TENM4: variants seen among roughly 807,000 people sequenced by gnomAD.
TENM4 encodes teneurin transmembrane protein 4.
A neutral mutation model predicts 243.3 loss-of-function variants in TENM4; 82 were observed. The observed-to-expected ratio is 0.34, with a 90% CI of 0.28 to 0.40. The LOEUF (loss-of-function observed/expected upper bound fraction) is 0.40. Ranked by LOEUF, TENM4 falls within the 10% of genes least tolerant of loss-of-function variation. TENM4 has a pLI of 1.00. For synonymous variants in TENM4, 1,412 were observed against 1,456.3 expected, an observed-to-expected ratio of 0.97 and a Z score of 0.69; for missense variants, 3,138 against 3,673.3, an observed-to-expected ratio of 0.85 and a Z score of 3.77.
chr11:78,663,940 G>T (rs142783810), intron 32 of TENM4, among the ~76,000 whole-genome samples: 1 of 152,268 alleles, frequency 6.6e-6, no homozygotes, highest in East Asian at 1.9e-4. Context: ...CAACTTGGTG[G>T]TGCTGAGGTG....
At chr11:79,351,062 G>A (rs1857407633) in intron 1 of TENM4, among the ~76,000 whole-genome samples, 2 of 152,026 alleles carry the variant, frequency 1.3e-5, no homozygotes, top group Admixed American at 6.5e-5. Context: ...CCAGTCATGG[G>A]CCTACCTCAA....
At chr11:78,959,880 C>T (rs953945010) in intron 6 of TENM4, among the ~76,000 whole-genome samples, 3 of 152,140 alleles carry the variant, frequency 2.0e-5, no homozygotes, top group African/African-American at 7.2e-5. Context: ...CTCTTGCCTT[C>T]TCTTCTACGT....
intron 1 of TENM4, among the ~76,000 whole-genome samples, chr11:79,341,197 A>G (rs1857235986): frequency 6.6e-6 from 1 of 152,234 alleles, no homozygotes; most frequent in South Asian, 2.1e-4. Flanking sequence ...TTCCGATCTC[A>G]GGAACTATAA....
intron 9 of TENM4, among the ~76,000 whole-genome samples, chr11:78,864,365 C>T (rs1257077871): frequency 5.9e-5 from 7 of 119,170 alleles, no homozygotes; most frequent in East Asian, 2.8e-4. Flanking sequence ...ACCTGGGAGG[C>T]GGAGCTTGCA....
chr11:79,376,250 T>C (rs573154193), intron 1 of TENM4, among the ~76,000 whole-genome samples: 15 of 152,340 alleles, frequency 9.8e-5, no homozygotes, highest in African/African-American at 3.4e-4. Flanking sequence ...GATGGAGGGA[T>C]ATGAGGCACA....
Position 78,967,331 on chromosome 11 carries a change from A to C in TENM4, c.494-63808T>G, listed in dbSNP as rs141459644. Among the ~76,000 whole-genome samples the C allele has an allele frequency of 2.7e-3, 410 of 152,340 alleles. 2 individuals carry two copies. The highest frequency in any genetic ancestry group is 9.5e-3 in the African/African-American group (396 of 41,572). On this transcript the variant is annotated intron_variant, in intron 6 of 33. Coordinates refer to ENST00000278550, the MANE Select transcript of TENM4 (RefSeq NM_001098816.3). ...TGTTAGGTGAATAAAGGATAGAAGG[A>C]AGGTAGGAAGGAAGGAGAGTACCTT...
rs2136095381 is a variant in TENM4 at position 78,809,665 on chromosome 11, A to G, written c.1978+2457T>C. ...GGGTGGAAGGGAGTGGTGATGAAGG[A>G]GTAGGAGCAATGGTCAGGGAGGTGG... On this transcript the variant is annotated intron_variant, in intron 14 of 33. Transcript: ENST00000278550. 2.0e-5 allele frequency among the ~76,000 whole-genome samples: 3 copies of G among 152,298 alleles called. No homozygotes were observed. In the South Asian group the frequency reaches 6.2e-4, roughly 32 times the overall value.
intron 1 of TENM4, chr11:79,439,349 T>C (rs1347278018): frequency 6.6e-6 from 1 of 151,540 alleles, no homozygotes; most frequent in African/African-American, 2.4e-5. Flanking sequence ...GAGTTAGAGA[T>C]CGGGTGGGGG....
intron 6 of TENM4, among the ~76,000 whole-genome samples, chr11:78,916,757 A>C (rs775832196): frequency 7.0e-4 from 106 of 152,132 alleles, no homozygotes; most frequent in Admixed American, 1.3e-3. Context: ...TTGTTTATGA[A>C]ATTTTTCAAT....
At chr11:79,017,354 T>C (rs1858805312) in intron 6 of TENM4, among the ~76,000 whole-genome samples, 2 of 152,134 alleles carry the variant, frequency 1.3e-5, no homozygotes, top group Admixed American at 1.3e-4. Flanking sequence ...AGGGAAGAAA[T>C]GGCCTTGTTC....
intron 12 of TENM4, among the ~76,000 whole-genome samples, chr11:78,842,258 C>G (rs978354313): frequency 6.6e-6 from 1 of 152,322 alleles, no homozygotes; most frequent in Non-Finnish European, 1.5e-5. Flanking sequence ...AAGGTCGAAA[C>G]TCAATGCCTC....
At chr11:78,981,149 G>A (rs895293629) in intron 6 of TENM4, among the ~76,000 whole-genome samples, 2 of 152,104 alleles carry the variant, frequency 1.3e-5, no homozygotes, top group Non-Finnish European at 2.9e-5. Context: ...TCTATGACAG[G>A]TGTGTGTATG....
At chr11:79,372,950 C>T (rs1857815830) in intron 1 of TENM4, among the ~76,000 whole-genome samples, 1 of 152,050 alleles carries the variant, frequency 6.6e-6, no homozygotes. Context: ...ACCGTGCAGC[C>T]AATAAAGTGT....
chr11:79,313,842 T>C (rs1317523068), intron 1 of TENM4, among the ~76,000 whole-genome samples: 4 of 152,144 alleles, frequency 2.6e-5, no homozygotes, highest in African/African-American at 9.7e-5. Context: ...TTACTGGAGT[T>C]CTGGGGAGGG....
At chr11:78,914,127 A>C (rs1274578211) in intron 6 of TENM4, among the ~76,000 whole-genome samples, 1 of 152,230 alleles carries the variant, frequency 6.6e-6, no homozygotes, top group Non-Finnish European at 1.5e-5. Context: ...AACTATTCCC[A>C]GCCTTGCCTT....
chr11:78,931,820 A>G (rs1856676224), intron 6 of TENM4, among the ~76,000 whole-genome samples: 1 of 152,184 alleles, frequency 6.6e-6, no homozygotes, highest in African/African-American at 2.4e-5. Flanking sequence ...GCTGTGCTTT[A>G]GTTGCTTCAT....
At chr11:78,727,643 T>A (rs1197801628) in intron 22 of TENM4, among the ~76,000 whole-genome samples, 1 of 152,160 alleles carries the variant, frequency 6.6e-6, no homozygotes, top group African/African-American at 2.4e-5. Context: ...AAGCTGGAAG[T>A]TACTTTGAGG....
chr11:79,409,112 G>GCA (rs1858641808), intron 1 of TENM4, among the ~76,000 whole-genome samples: 2 of 144,136 alleles, frequency 1.4e-5, no homozygotes, highest in African/African-American at 5.4e-5. Context: ...GCGCGCGCGC[G>GCA]CGTGCGTGCA....
At chr11:79,426,602 G>A (rs911496352) in intron 1 of TENM4, among the ~76,000 whole-genome samples, 1 of 152,222 alleles carries the variant, frequency 6.6e-6, no homozygotes, top group Admixed American at 6.5e-5. Context: ...TCCGCTGTGA[G>A]GTTATGGCTG....
Sources: gnomAD v4.1 joint callset for allele counts (sites outside exome capture counted in the v4.1 genomes callset) on GRCh38, gnomAD v4.1.1 for gene constraint, MANE v1.5 for transcripts, NCBI Gene and HGNC (gene_info 2026-07-23, HGNC 2026-07-21) for gene names.